NID2: variants seen among roughly 807,000 people sequenced by gnomAD.
NID2 encodes nidogen 2.
A neutral mutation model predicts 145.4 loss-of-function variants in NID2; 83 were observed. That is an observed-to-expected ratio of 0.57 (90% CI 0.48 to 0.69). The LOEUF (loss-of-function observed/expected upper bound fraction) is 0.69, where lower values mean the gene tolerates loss of function less well. NID2 is among the 30% of genes least tolerant of loss of function. The pLI, the probability that NID2 is intolerant of heterozygous loss-of-function variation, is 0.00. For synonymous variants in NID2, 739 were observed against 701.3 expected (o/e 1.05, Z -0.85); for missense variants, 1,807 against 1,765.7 (o/e 1.02, Z -0.42).
chr14:52,009,504 C>A (rs1355418208), intron 18 of NID2: 2 of 152,270 alleles, frequency 1.3e-5, no homozygotes, highest in East Asian at 3.9e-4. Context: ...GGTGGGTTTT[C>A]TTTTTATTAA....
At chr14:52,034,895 C>T (rs1891999886) in intron 9 of NID2, among the ~76,000 whole-genome samples, 3 of 152,162 alleles carry the variant, frequency 2.0e-5, no homozygotes, top group Admixed American at 2.0e-4. Flanking sequence ...AAAGCCACTT[C>T]CCATCTGTAG....
chr14:52,039,366 G>A (rs1892193739), intron 8 of NID2, among the ~76,000 whole-genome samples: 1 of 152,132 alleles, frequency 6.6e-6, no homozygotes, highest in African/African-American at 2.4e-5. Context: ...TGGTAGAGCT[G>A]GAACTGAAAC....
At chr14:52,014,069 G>A (rs540283282) in intron 16 of NID2, 4 of 616,478 alleles carry the variant, frequency 6.5e-6, no homozygotes, top group South Asian at 3.7e-5. Flanking sequence ...CTCCATGAAC[G>A]AACCAGAGAG....
Position 52,042,285 on chromosome 14 carries a change from A to G in NID2, c.1645T>C (p.Phe549Leu), listed in dbSNP as rs1892312297. ...TACGCATGCAGGTCCACATCAGTGA[A>G]GTGCACGGGTGTATGGCCCACGTGG... is the stretch of plus-strand genomic sequence containing the variant. ...HLHVGHTPVH[F>L]TDVDLHAYIV... Residue 549 changes from phenylalanine to leucine, a missense_variant, in exon 7 of 22, where the codon TTC (phenylalanine) becomes CTC (leucine). Phe to Leu is a conservative substitution (Grantham distance 22). Transcript: ENST00000216286. 4 of 1,614,174 alleles carry G rather than the reference A, an allele frequency of 2.5e-6. No individual in the cohort carries two copies. Among genetic ancestry groups the G allele is most frequent in the Non-Finnish European group, 3.4e-6 (4 of 1,180,018 alleles).
At chr14:52,050,647 G>C (rs946311564) in intron 5 of NID2, among the ~76,000 whole-genome samples, 3 of 151,924 alleles carry the variant, frequency 2.0e-5, no homozygotes, top group Admixed American at 1.3e-4. Flanking sequence ...ATTTCTCTCT[G>C]TTGCTCAGGC....
rs1891348378 is a variant in NID2 at position 52,020,115 on chromosome 14, G to A, written c.2738C>T (p.Ser913Phe). 1 of 1,614,026 alleles carries A rather than the reference G, an allele frequency of 6.2e-7. No homozygotes were observed. Among genetic ancestry groups the A allele is most frequent in the Admixed American group, 1.7e-5 (1 of 60,012 alleles). ...PAATCYNTPG[S>F]FSCRCQPGYY... Reference sequence around the variant, plus strand: ...TCCGGGTTGACAACGGCAGGAGAAGGAACCAGGAGTATTGTAGCAGGTAGC... The same window carrying A: ...TCCGGGTTGACAACGGCAGGAGAAGAAACCAGGAGTATTGTAGCAGGTAGC... Residue 913 changes from serine to phenylalanine, a missense_variant, in exon 13 of 22, where the codon TCC becomes TTC. Ser to Phe is a radical substitution (Grantham distance 155). Coordinates refer to ENST00000216286, the MANE Select transcript of NID2 (RefSeq NM_007361.4).
chr14:52,063,421 G>C (rs1893082529), intron 2 of NID2, among the ~76,000 whole-genome samples: 1 of 152,200 alleles, frequency 6.6e-6, no homozygotes, highest in African/African-American at 2.4e-5. Context: ...GCAGAAACCA[G>C]AGCCTGACTC....
chr14:52,043,791 G>A (rs915262057), intron 5 of NID2, among the ~76,000 whole-genome samples: 7 of 152,152 alleles, frequency 4.6e-5, no homozygotes, highest in African/African-American at 1.7e-4. Context: ...GGTAGGGTGT[G>A]GCGGGGGTTG....
In NID2 at chr14:52,019,067, A is replaced by G; in HGVS notation, c.3022T>C (p.Ser1008Pro). The G allele has an allele frequency of 6.2e-7, 1 of 1,613,308 alleles. No homozygotes were observed. Among genetic ancestry groups the G allele is most frequent in the Non-Finnish European group, 8.5e-7 (1 of 1,179,386 alleles). The change falls in exon 14 of 22, where the codon TCA becomes CCA. Residue 1008 changes from serine to proline, a missense_variant. Transcript: ENST00000216286. ...PGSTPPHCGP[S>P]PEPTQRPPTI... is the part of the protein sequence containing the mutation. ...GCCCCAGGCCTAAGCTCACCTGGTG[A>G]TGGTCCACAGTGAGGCGGGGTGGAG...
chr14:52,022,826 C>T (rs1273849080), intron 12 of NID2, among the ~76,000 whole-genome samples: 1 of 152,172 alleles, frequency 6.6e-6, no homozygotes, highest in Non-Finnish European at 1.5e-5. Context: ...TCGAGTTCCC[C>T]CAGGCTCCCG....
At position 52,019,065 on chromosome 14, in the gene NID2, T is replaced by A. The variant is rs1227109858; in HGVS notation, c.3024A>T (p.Ser1008=). The A allele has an allele frequency of 1.2e-6, 2 of 1,613,070 alleles. No homozygotes were observed. The highest frequency in any genetic ancestry group is 1.7e-6 in the Non-Finnish European group (2 of 1,179,218). ...GAGCCCCAGGCCTAAGCTCACCTGG[T>A]GATGGTCCACAGTGAGGCGGGGTGG... is the stretch of plus-strand genomic sequence containing the variant. ...PGSTPPHCGP[S]PEPTQRPPTI... The change falls in exon 14 of 22, where the codon TCA becomes TCT. Residue 1008 remains serine (S), a synonymous_variant. Transcript: ENST00000216286.
intron 5 of NID2, among the ~76,000 whole-genome samples, chr14:52,051,551 T>C (rs144902202): frequency 9.8e-5 from 15 of 152,320 alleles, no homozygotes; most frequent in African/African-American, 3.6e-4. Flanking sequence ...GTTCTGTGTC[T>C]CTGCCACTCC....
At chr14:52,028,454 T>G (rs2140374884) in intron 11 of NID2, among the ~76,000 whole-genome samples, 1 of 152,274 alleles carries the variant, frequency 6.6e-6, no homozygotes, top group South Asian at 2.1e-4. Flanking sequence ...TTTTGTATTG[T>G]TTGTAGAGAC....
intron 14 of NID2, among the ~76,000 whole-genome samples, chr14:52,017,566 A>G (rs1357510278): frequency 6.6e-6 from 1 of 151,030 alleles, no homozygotes; most frequent in East Asian, 2.0e-4. Context: ...ATTGTCCTTA[A>G]CACATGCCTG....
chr14:52,033,593 C>T (rs536613487), intron 9 of NID2, among the ~76,000 whole-genome samples: 15 of 119,098 alleles, frequency 1.3e-4, no homozygotes, highest in East Asian at 5.1e-4. Flanking sequence ...TGGACAGCTG[C>T]GCTGTTTCAC....
At chr14:52,008,776 T>A (rs1890892041) in intron 18 of NID2, 2 of 152,242 alleles carry the variant, frequency 1.3e-5, no homozygotes, top group Non-Finnish European at 2.9e-5. Flanking sequence ...CTTGAAGAGA[T>A]GTGGACCAGG....
rs1407862438 is a variant in NID2, at chr14:52,060,188, G to C, written c.703C>G (p.Leu235Val). Residue 235 changes from leucine (L) to valine (V), a missense_variant, in exon 3 of 22, where the codon CTG becomes GTG. By Grantham distance (32) the Leu-to-Val change is conservative. Coordinates refer to ENST00000216286, the MANE Select transcript of NID2 (RefSeq NM_007361.4). ...CTGAAATATGGTCCTTCTGACTTCAGATCATCAGCCTCCCCTCGGCAGAAG... is the reference window on the plus strand; with the variant it reads ...CTGAAATATGGTCCTTCTGACTTCACATCATCAGCCTCCCCTCGGCAGAAG... ...VGFCRGEADDLKSEGPYFSLT... is the reference protein window; with the variant it reads ...VGFCRGEADDVKSEGPYFSLT... The C allele has an allele frequency of 6.2e-7, 1 of 1,613,950 alleles. No individual in the cohort carries two copies. The highest frequency in any genetic ancestry group is 1.3e-5 in the African/African-American group (1 of 74,896).
At chr14:52,047,757 G>T (rs948165606) in intron 5 of NID2, among the ~76,000 whole-genome samples, 1 of 152,130 alleles carries the variant, frequency 6.6e-6, no homozygotes, top group Admixed American at 6.5e-5. Flanking sequence ...GGAGGAGCAG[G>T]TTTGTGGGGT....
intron 14 of NID2, among the ~76,000 whole-genome samples, chr14:52,017,524 C>CG (rs932988038): frequency 6.6e-5 from 10 of 151,850 alleles, no homozygotes; most frequent in Admixed American, 6.6e-4. Flanking sequence ...TGGTTCCCCC[C>CG]CCTTTAAAAT....
Sources: allele counts gnomAD v4.1 joint callset (sites outside exome capture counted in the v4.1 genomes callset), GRCh38; gene constraint gnomAD v4.1.1; transcripts MANE v1.5; gene names NCBI Gene and HGNC (gene_info 2026-07-23, HGNC 2026-07-21).